The following PTPRD variants were observed in gnomAD, a reference collection of about 807,000 sequenced individuals.
PTPRD encodes protein tyrosine phosphatase receptor type D, also known as receptor-type tyrosine-protein phosphatase delta.
PTPRD carries 34 observed loss-of-function variants against 214.5 expected under a neutral mutation model. The ratio of observed to expected loss-of-function variants is 0.16; its 90% confidence interval spans 0.12 to 0.21. PTPRD has a LOEUF of 0.21. Among genes scored for constraint, PTPRD ranks in the 10% least tolerant of loss-of-function variants. The pLI, the probability that PTPRD is intolerant of heterozygous loss-of-function variation, is 1.00. For synonymous variants in PTPRD, 1,128 were observed against 845.7 expected, an observed-to-expected ratio of 1.33 and a Z score of -5.79; for missense variants, 2,545 against 2,398.7, an observed-to-expected ratio of 1.06 and a Z score of -1.27.
chr9:8,440,744 A>T (rs1486959452), intron 34 of PTPRD, among the ~76,000 whole-genome samples: 1 of 152,226 alleles, frequency 6.6e-6, no homozygotes. Context: ...GTTGGAGGAA[A>T]AAACAAGATG....
At chr9:9,083,988 A>C (rs528523088) in intron 10 of PTPRD, among the ~76,000 whole-genome samples, 1 of 152,208 alleles carries the variant, frequency 6.6e-6, no homozygotes, top group African/African-American at 2.4e-5. Flanking sequence ...TGTGGAAGAC[A>C]GTGTGGTGAT....
At position 8,452,832 on chromosome 9, in the gene PTPRD, G is replaced by A. The variant is rs545116510; in HGVS notation, c.3876-2995C>T. Reference sequence around the variant, plus strand: ...TTTGCTTTCACCAGGCTCTCATCTGGGGGGAAGAAAAAAACAAAGAGAAGT... The same window carrying A: ...TTTGCTTTCACCAGGCTCTCATCTGAGGGGAAGAAAAAAACAAAGAGAAGT... On this transcript the variant is annotated intron_variant, in intron 33 of 45. Coordinates refer to ENST00000381196, the MANE Select transcript of PTPRD (RefSeq NM_002839.4). 3.9e-5 allele frequency among the ~76,000 whole-genome samples: 6 copies of A among 152,142 alleles called. 1 individual carries two copies. The South Asian group carries it at 8.3e-4, about 21-fold the overall frequency.
rs759867541 is a variant in PTPRD, at chr9:8,547,641, TAAA to T, written c.353-18865_353-18863del. 2.8e-3 allele frequency among the ~76,000 whole-genome samples: 308 copies of T among 110,968 alleles called. 1 individual carries two copies. The highest frequency in any genetic ancestry group is 5.4e-3 in the Middle Eastern group (1 of 184). The allele number at this position is 110,968 out of a possible 152,430, so 72.8% of individuals were successfully genotyped here. A position where few individuals can be genotyped will look rare whatever the true frequency, so the allele number is the denominator to read the frequency against. Reference sequence around the variant, plus strand: ...CTGCGTGATGAGGTGGAATCCTATTTAAAAAAAAAAAAAAAAAAAAGAGAGTGA... The same window carrying T: ...CTGCGTGATGAGGTGGAATCCTATTTAAAAAAAAAAAAAAAAAGAGAGTGA... On this transcript the variant is annotated intron_variant, in intron 14 of 45. Transcript: ENST00000381196.
chr9:8,934,460 T>A (rs1422315899), intron 11 of PTPRD, among the ~76,000 whole-genome samples: 518 of 12,882 alleles, frequency 0.04, 39 homozygotes, highest in Admixed American at 0.078. Flanking sequence ...TTTATATATA[T>A]ATAAATATAT....
rs546084294 is a variant in PTPRD at position 9,101,168 on chromosome 9, A to C, written c.-143+82136T>G. Among the ~76,000 whole-genome samples the C allele has an allele frequency of 4.3e-4, 66 of 152,192 alleles. 1 individual carries two copies. Among genetic ancestry groups the C allele is most frequent in the African/African-American group, 1.3e-3 (56 of 41,534 alleles). ...AGCAAATGAACAATAATGATCAGCA[A>C]AACAAAACAAAACAAACCCGAAACA... is the stretch of plus-strand genomic sequence containing the variant. On this transcript the variant is annotated intron_variant, in intron 10 of 45. Coordinates refer to ENST00000381196, the MANE Select transcript of PTPRD (RefSeq NM_002839.4).
chr9:8,821,961 C>A (rs2097076361), intron 11 of PTPRD, among the ~76,000 whole-genome samples: 1 of 152,202 alleles, frequency 6.6e-6, no homozygotes, highest in African/African-American at 2.4e-5. Context: ...CCCATCTGGC[C>A]TGAAAACTAA....
At chr9:8,877,620 A>G (rs1205206899) in intron 11 of PTPRD, among the ~76,000 whole-genome samples, 2 of 152,230 alleles carry the variant, frequency 1.3e-5, no homozygotes. Context: ...TCTATTTACA[A>G]AATGATAGAA....
chr9:9,627,685 G>C (rs2095466905), intron 7 of PTPRD, among the ~76,000 whole-genome samples: 1 of 152,070 alleles, frequency 6.6e-6, no homozygotes, highest in African/African-American at 2.4e-5. Context: ...GACAGTGGTA[G>C]AGAGAGAGAG....
chr9:8,588,962 G>T (rs1786078522), intron 14 of PTPRD, among the ~76,000 whole-genome samples: 1 of 151,944 alleles, frequency 6.6e-6, no homozygotes, highest in African/African-American at 2.4e-5. Flanking sequence ...TTTAATAAAA[G>T]TTATTCTTAG....
intron 2 of PTPRD, among the ~76,000 whole-genome samples, chr9:10,436,450 T>C (rs931523816): frequency 6.6e-6 from 1 of 151,782 alleles, no homozygotes; most frequent in African/African-American, 2.4e-5. Context: ...GGTGACAATT[T>C]GTAAGACAGG....
intron 2 of PTPRD, among the ~76,000 whole-genome samples, chr9:10,438,990 C>T (rs1042082933): frequency 1.3e-5 from 2 of 151,596 alleles, no homozygotes; most frequent in African/African-American, 4.8e-5. Flanking sequence ...CCTGTTTGGA[C>T]CAGAGAGACC....
intron 2 of PTPRD, among the ~76,000 whole-genome samples, chr9:10,382,948 G>A (rs1192478954): frequency 6.6e-6 from 1 of 151,790 alleles, no homozygotes; most frequent in East Asian, 1.9e-4. Flanking sequence ...AGTTCTCCAA[G>A]GGACAATGAG....
chr9:9,174,971 G>A (rs370215850), intron 10 of PTPRD, among the ~76,000 whole-genome samples: 1 of 151,882 alleles, frequency 6.6e-6, no homozygotes, highest in Non-Finnish European at 1.5e-5. Context: ...TCAGGAATGG[G>A]ATTAATATCA....
At chr9:9,944,298 G>A (rs1009646122) in intron 4 of PTPRD, among the ~76,000 whole-genome samples, 76 of 152,136 alleles carry the variant, frequency 5.0e-4, no homozygotes, top group African/African-American at 1.8e-3. Flanking sequence ...TTGAGGAGTA[G>A]TAAGGTATCC....
chr9:10,293,890 A>T (rs1286348163), intron 3 of PTPRD, among the ~76,000 whole-genome samples: 2 of 151,902 alleles, frequency 1.3e-5, no homozygotes, highest in South Asian at 4.1e-4. Flanking sequence ...ACAGCAAGGA[A>T]TAAATATTGT....
intron 8 of PTPRD, among the ~76,000 whole-genome samples, chr9:9,460,215 G>A (rs2093512892): frequency 6.6e-6 from 1 of 152,094 alleles, no homozygotes; most frequent in African/African-American, 2.4e-5. Context: ...AGACTTCAAT[G>A]TAAGACCTGA....
chr9:9,454,354 A>G (rs2092689243), intron 8 of PTPRD, among the ~76,000 whole-genome samples: 1 of 151,762 alleles, frequency 6.6e-6, no homozygotes, highest in Non-Finnish European at 1.5e-5. Context: ...CCAGCCACCC[A>G]TTCTTGCAAT....
chr9:9,821,319 T>A (rs1049696949), intron 5 of PTPRD, among the ~76,000 whole-genome samples: 1 of 152,196 alleles, frequency 6.6e-6, no homozygotes, highest in African/African-American at 2.4e-5. Context: ...CACTGAAATG[T>A]CAAATGTAAT....
intron 11 of PTPRD, among the ~76,000 whole-genome samples, chr9:8,866,827 T>C (rs1417065761): frequency 3.3e-5 from 5 of 152,204 alleles, no homozygotes; most frequent in Non-Finnish European, 1.5e-5. Context: ...ACTACTTCCA[T>C]TAGAATATCT....
Sources: gnomAD v4.1 joint callset for allele counts (sites outside exome capture counted in the v4.1 genomes callset) on GRCh38, gnomAD v4.1.1 for gene constraint, MANE v1.5 for transcripts, NCBI Gene and HGNC (gene_info 2026-07-23, HGNC 2026-07-21) for gene names.